ZGRF1: variants seen among roughly 807,000 people sequenced by gnomAD.
ZGRF1 encodes the protein 5'-3' DNA helicase ZGRF1.
Under a neutral mutation model 203.5 loss-of-function variants are expected in ZGRF1, and 196 were observed. That is an observed-to-expected ratio of 0.96 (90% confidence interval 0.86 to 1.08). The LOEUF is 1.08. ZGRF1 is among the 50% of genes least tolerant of loss of function. ZGRF1 has a pLI of 0.00. For missense variants in ZGRF1, 2,326 were observed against 2,416.3 expected (o/e 0.96, Z 0.78); for synonymous variants, 809 against 841.3 (o/e 0.96, Z 0.66).
chr4:112,635,612 TTA>T (rs1476248549), intron 1 of ZGRF1, among the ~76,000 whole-genome samples: 1 of 148,726 alleles, frequency 6.7e-6, no homozygotes, highest in Non-Finnish European at 1.5e-5. Flanking sequence ...TATTATGTAA[TTA>T]TATAATATAT....
In ZGRF1 at chr4:112,584,053, C is replaced by T. The variant is rs1487875415; in HGVS notation, c.4223G>A (p.Ser1408Asn). The change falls in exon 15 of 28, where the codon AGT (serine) becomes AAT (asparagine). Residue 1408 changes from serine (S) to asparagine (N), a missense_variant. By Grantham distance (46) the Ser-to-Asn change is conservative. Coordinates refer to ENST00000505019, the MANE Select transcript of ZGRF1 (RefSeq NM_018392.5). ...QEGARPGMVLSDIKSIGLYLR... is the reference protein window; with the variant it reads ...QEGARPGMVLNDIKSIGLYLR... ...ATATAAGCCAATACTCTTAATATCACTTAAAACCATGCCAGGTCGAGCTCC... is the reference window on the plus strand; with the variant it reads ...ATATAAGCCAATACTCTTAATATCATTTAAAACCATGCCAGGTCGAGCTCC... 9.9e-6 allele frequency: 16 copies of T among 1,613,658 alleles called. No homozygotes were observed. Among genetic ancestry groups the T allele is most frequent in the Non-Finnish European group, 1.2e-5 (14 of 1,179,750 alleles).
Position 112,618,766 on chromosome 4 carries a change from C to G in ZGRF1, c.1276G>C (p.Gly426Arg). 6.2e-7 allele frequency: 1 copy of G among 1,611,102 alleles called. No homozygotes were observed. Among genetic ancestry groups the G allele is most frequent in the Middle Eastern group, 1.7e-4 (1 of 6,054 alleles). ...TGAATGTCAGATTCTGATAATATAC[C>G]ATCATTTTCTGCACTGCTACAAGTA... The part of the protein sequence containing the change: ...QVTCSSAEND[G>R]ILSESDIQED... Residue 426 changes from glycine to arginine, a missense_variant, in exon 6 of 28, where the codon GGT becomes CGT. By Grantham distance (125) the Gly-to-Arg change is moderately radical. Coordinates refer to ENST00000505019, the MANE Select transcript of ZGRF1 (RefSeq NM_018392.5).
chr4:112,560,985 T>G lies in ZGRF1; in HGVS notation c.4708A>C (p.Thr1570Pro), dbSNP rs199723825. The change falls in exon 19 of 28, where the codon ACT becomes CCT. Residue 1570 changes from threonine (T) to proline (P), a missense_variant. Thr to Pro is a conservative substitution (Grantham distance 38). Coordinates refer to ENST00000505019, the MANE Select transcript of ZGRF1 (RefSeq NM_018392.5). ...TQYLLTTSSP[T>P]IVSNKRVSKR... The stretch of plus-strand genomic sequence containing the variant: ...CTGACTCTTTTGTTACTAACTATAG[T>G]TGGCGAAGACCTAATAAAAATGAAG... 2.6e-4 allele frequency: 415 copies of G among 1,607,762 alleles called. 1 individual carries two copies. Among genetic ancestry groups the G allele is most frequent in the Non-Finnish European group, 1.9e-4 (218 of 1,175,528 alleles).
At chr4:112,614,042 C>T (rs1416453970) in intron 6 of ZGRF1, among the ~76,000 whole-genome samples, 2 of 152,094 alleles carry the variant, frequency 1.3e-5, no homozygotes, top group African/African-American at 2.4e-5. Flanking sequence ...ACTGCCTTTG[C>T]TCCAGAAAAA....
chr4:112,624,179 A>G (rs1276224772), intron 3 of ZGRF1, among the ~76,000 whole-genome samples: 1 of 151,594 alleles, frequency 6.6e-6, no homozygotes, highest in East Asian at 1.9e-4. Context: ...AAAAAAAAAA[A>G]GGAATTCAAG....
chr4:112,547,738 G>T (rs970881511), intron 23 of ZGRF1, among the ~76,000 whole-genome samples: 1 of 152,096 alleles, frequency 6.6e-6, no homozygotes, highest in Non-Finnish European at 1.5e-5. Flanking sequence ...TCTTTCTTAG[G>T]AGTCATTTAG....
Position 112,605,742 on chromosome 4 carries a change from T to G in ZGRF1, c.2802+266A>C. The G allele has an allele frequency of 7.8e-6, 3 of 384,884 alleles. No individual in the cohort carries two copies. In the South Asian group the frequency reaches 8.7e-5, roughly 11 times the overall value. 23.8% of individuals were successfully genotyped at this position (384,884 alleles called of 1,614,324 possible). Reference sequence around the variant, plus strand: ...ATTAATTTTACTCTACATGGCTTTGTGTCCAACCCCTAGAGTATCCTATGT... The same window carrying G: ...ATTAATTTTACTCTACATGGCTTTGGGTCCAACCCCTAGAGTATCCTATGT... On this transcript the variant is annotated intron_variant, in intron 9 of 27. Coordinates refer to ENST00000505019, the MANE Select transcript of ZGRF1 (RefSeq NM_018392.5).
Position 112,603,509 on chromosome 4 carries a change from T to C in ZGRF1, c.2976+15A>G. 1 of 1,585,428 alleles carries C rather than the reference T, an allele frequency of 6.3e-7. No homozygotes were observed. Among genetic ancestry groups the C allele is most frequent in the Non-Finnish European group, 8.6e-7 (1 of 1,161,330 alleles). On this transcript the variant is annotated intron_variant, in intron 10 of 27. Transcript: ENST00000505019. ...AAAATGATTTGGCAAAATGCAACTA[T>C]AAAAATATTTTTACCTGCAAGAAGT...
chr4:112,587,252 G>C, intron 12 of ZGRF1, 28 bp downstream of exon 12: 1 of 1,546,488 alleles, frequency 6.5e-7, no homozygotes, highest in Non-Finnish European at 8.7e-7. Context: ...TTGGAAAAAT[G>C]CACCACAAGA....
chr4:112,589,238 CAT>C (rs1360245401), intron 11 of ZGRF1, among the ~76,000 whole-genome samples: 1 of 152,120 alleles, frequency 6.6e-6, no homozygotes, highest in Non-Finnish European at 1.5e-5. Context: ...GAAGCTGACT[CAT>C]AGTGAAGGGC....
chr4:112,617,508 A>T lies in ZGRF1; in HGVS notation c.2534T>A (p.Leu845Ter). 6.2e-7 allele frequency: 1 copy of T among 1,600,346 alleles called. No individual in the cohort carries two copies. The highest frequency in any genetic ancestry group is 8.5e-7 in the Non-Finnish European group (1 of 1,176,166). ...HSTALDSLEI[L>*]KKKNTVFQQG... ...CTGAAAGACAGTATTTTTCTTTTTC[A>T]ATATTTCCAAGCTGTCTAAAGCAGT... is the stretch of plus-strand genomic sequence containing the variant. Residue 845 changes from leucine (L) to a stop codon, truncating the protein, a stop_gained, in exon 6 of 28, where the codon TTG becomes TAG. Coordinates refer to ENST00000505019, the MANE Select transcript of ZGRF1 (RefSeq NM_018392.5). LOFTEE classifies it high-confidence loss of function.
rs1742316649 is a variant in ZGRF1, at chr4:112,563,114, A to C, written c.4582+17T>G. The C allele has an allele frequency of 6.6e-7, 1 of 1,522,768 alleles. No homozygotes were observed. Among genetic ancestry groups the C allele is most frequent in the African/African-American group, 1.4e-5 (1 of 71,854 alleles). The allele number at this position is 1,522,768 out of a possible 1,614,324, so 94.3% of individuals were successfully genotyped here. A position where few individuals can be genotyped will look rare whatever the true frequency, so the allele number is the denominator to read the frequency against. ...TTCTTTTTAAATATAAACTAAAATG[A>C]GCATAGTAATACTCACTGTTAGTGG... is the stretch of plus-strand genomic sequence containing the variant. On this transcript the variant is annotated intron_variant, in intron 17 of 27. Coordinates refer to ENST00000505019, the MANE Select transcript of ZGRF1 (RefSeq NM_018392.5).
chr4:112,558,760 A>G (rs1741413531), intron 19 of ZGRF1, among the ~76,000 whole-genome samples: 1 of 152,260 alleles, frequency 6.6e-6, no homozygotes, highest in Non-Finnish European at 1.5e-5. Flanking sequence ...CACTATGTGC[A>G]AAGCACAGGG....
intron 19 of ZGRF1, among the ~76,000 whole-genome samples, chr4:112,560,201 G>A (rs1049134852): frequency 1.3e-5 from 2 of 152,176 alleles, no homozygotes; most frequent in Admixed American, 6.5e-5. Flanking sequence ...GTAAGCAGGA[G>A]GAAGTAAATC....
chr4:112,602,638 A>G (rs903808843), intron 10 of ZGRF1, among the ~76,000 whole-genome samples: 5 of 152,234 alleles, frequency 3.3e-5, no homozygotes, highest in Admixed American at 2.6e-4. Flanking sequence ...CTTAACACAA[A>G]TAACACAAAC....
intron 16 of ZGRF1, among the ~76,000 whole-genome samples, chr4:112,571,934 C>T (rs1183745448): frequency 6.6e-6 from 1 of 151,980 alleles, no homozygotes; most frequent in South Asian, 2.1e-4. Context: ...ACAAATTAAC[C>T]TACAGTATAA....
intron 1 of ZGRF1, among the ~76,000 whole-genome samples, chr4:112,636,009 G>A (rs2047610172): frequency 6.6e-6 from 1 of 151,406 alleles, no homozygotes; most frequent in Admixed American, 6.6e-5. Flanking sequence ...ATTTAGAAGA[G>A]CTCTAATACT....
Position 112,562,473 on chromosome 4 carries a change from G to T in ZGRF1, c.4595C>A (p.Ala1532Glu), listed in dbSNP as rs140408995. ...SNWPTNMVVHALLVCNASTEL... is the reference protein window; with the variant it reads ...SNWPTNMVVHELLVCNASTEL... Reference sequence around the variant, plus strand: ...TGTGCTAGCATTACAAACCAATAACGCATGGACAACCACTGTACAGAGGAT... The same window carrying T: ...TGTGCTAGCATTACAAACCAATAACTCATGGACAACCACTGTACAGAGGAT... The change falls in exon 18 of 28, where the codon GCG becomes GAG. Residue 1532 changes from alanine to glutamate, a missense_variant. Coordinates refer to ENST00000505019, the MANE Select transcript of ZGRF1 (RefSeq NM_018392.5). The T allele has an allele frequency of 6.3e-6, 10 of 1,597,902 alleles. No individual in the cohort carries two copies. The highest frequency in any genetic ancestry group is 7.7e-6 in the Non-Finnish European group (9 of 1,168,252).
chr4:112,568,089 C>A (rs940961673), intron 16 of ZGRF1, among the ~76,000 whole-genome samples: 2 of 150,552 alleles, frequency 1.3e-5, no homozygotes, highest in South Asian at 2.1e-4. Flanking sequence ...GAAGAAAGGA[C>A]AAAAATTCAG....
Sources: gnomAD v4.1 joint callset for allele counts (sites outside exome capture counted in the v4.1 genomes callset) on GRCh38, gnomAD v4.1.1 for gene constraint, MANE v1.5 for transcripts, NCBI Gene and HGNC (gene_info 2026-07-23, HGNC 2026-07-21) for gene names.